Variants in ECHS1 observed in about 807,000 individuals in gnomAD.
ECHS1 encodes the protein enoyl-CoA hydratase, mitochondrial.
In ECHS1, 19 loss-of-function variants were observed where a neutral mutation model predicts 33.5. That is an observed-to-expected ratio of 0.57 (90% confidence interval 0.40 to 0.83). ECHS1 has a LOEUF of 0.83. ECHS1 is among the 40% of genes least tolerant of loss of function. The probability of loss-of-function intolerance (pLI) is 0.00; values close to 1 mark genes in which losing one functional copy is unlikely to be tolerated. For missense variants in ECHS1, 365 were observed against 381.3 expected, an observed-to-expected ratio of 0.96 and a Z score of 0.36; for synonymous variants, 158 against 146.6, an observed-to-expected ratio of 1.08 and a Z score of -0.56.
Position 133,367,355 on chromosome 10 carries a change from C to A in ECHS1, c.515-362G>T, listed in dbSNP as rs866812376. Among the ~76,000 whole-genome samples, 560 of 144,386 alleles carry A rather than the reference C, an allele frequency of 3.9e-3. 32 individuals are homozygous for A. The highest frequency in any genetic ancestry group is 0.015 in the African/African-American group (526 of 34,160). The allele number at this position is 144,386 out of a possible 152,430, so 94.7% of individuals were successfully genotyped here. The stretch of plus-strand genomic sequence containing the variant: ...AATCATTAGTATAAACATTATTAAT[C>A]ATTAGCTCTTAATATTACTCTTTGT... On this transcript the variant is annotated intron_variant, in intron 4 of 7. Coordinates refer to ENST00000368547, the MANE Select transcript of ECHS1 (RefSeq NM_004092.4).
At chr10:133,370,455 T>C (rs985678441) in intron 2 of ECHS1, 105 bp downstream of exon 2, 4 of 1,221,994 alleles carry the variant, frequency 3.3e-6, no homozygotes, top group Middle Eastern at 2.8e-4. Context: ...CCCAGTCGCA[T>C]GCCTCTGCCA....
Position 133,370,720 on chromosome 10 carries a change from C to T in ECHS1, c.126G>A (p.Gly42=), listed in dbSNP as rs1404499867. Residue 42 remains glycine, a synonymous_variant, in exon 2 of 8, where the codon GGG becomes GGA. Transcript: ENST00000368547. ...GGATCAACCCCACGGTGTTATTCTT[C>T]CCTCTTTTTTCTGCGATGATGTACT... ...NFEYIIAEKR[G]KNNTVGLIQL... 1.9e-6 allele frequency: 3 copies of T among 1,612,396 alleles called. No individual in the cohort carries two copies. The highest frequency in any genetic ancestry group is 2.5e-6 in the Non-Finnish European group (3 of 1,179,468).
intron 5 of ECHS1, 59 bp from the exon 6 acceptor site, chr10:133,366,154 CGAGT>C: frequency 1.3e-6 from 2 of 1,579,454 alleles, no homozygotes; most frequent in East Asian, 2.3e-5. Flanking sequence ...TATCCCTTCT[CGAGT>C]GAGTGGCCGC....
In ECHS1 at chr10:133,368,930, G is replaced by A. The variant is rs2133441928; in HGVS notation, c.507C>T (p.Thr169=). The change falls in exon 4 of 8, where the codon ACC becomes ACT. Residue 169 remains threonine, a synonymous_variant. Coordinates refer to ENST00000368547, the MANE Select transcript of ECHS1 (RefSeq NM_004092.4). ...QFAQPEILIG[T]IPGAGGTQRL... ...GACAGTGTCACTCTTTACCTGGGAT[G>A]GTTCCTATTAAGATCTCCGGCTGTG... 7 of 1,613,366 alleles carry A rather than the reference G, an allele frequency of 4.3e-6. No homozygotes were observed. Among genetic ancestry groups the A allele is most frequent in the Non-Finnish European group, 5.9e-6 (7 of 1,179,704 alleles).
Position 133,370,726 on chromosome 10 carries a change from T to C in ECHS1, c.120A>G (p.Lys40=). 6.2e-7 allele frequency: 1 copy of C among 1,612,466 alleles called. No homozygotes were observed. Among genetic ancestry groups the C allele is most frequent in the Non-Finnish European group, 8.5e-7 (1 of 1,179,468 alleles). The part of the protein sequence containing the change: ...GANFEYIIAE[K]RGKNNTVGLI... The stretch of plus-strand genomic sequence containing the variant: ...ACCCCACGGTGTTATTCTTCCCTCT[T>C]TTTTCTGCGATGATGTACTCAAAGT... Residue 40 remains lysine, a synonymous_variant, in exon 2 of 8, where the codon AAA becomes AAG. Transcript: ENST00000368547.
At chr10:133,371,017 C>G (rs1455704668) in intron 1 of ECHS1, among the ~76,000 whole-genome samples, 1 of 152,246 alleles carries the variant, frequency 6.6e-6, no homozygotes, top group African/African-American at 2.4e-5. Flanking sequence ...GTGGCTCACG[C>G]CTGTAATCCC....
chr10:133,363,464 T>C (rs886783853), intron 7 of ECHS1, among the ~76,000 whole-genome samples: 1 of 152,224 alleles, frequency 6.6e-6, no homozygotes, highest in African/African-American at 2.4e-5. Context: ...GAAGTATGAC[T>C]TTCTCCCAGT....
rs770872368 is a variant in ECHS1 at position 133,366,898 on chromosome 10, T to C, written c.610A>G (p.Lys204Glu). The C allele has an allele frequency of 6.2e-7, 1 of 1,611,430 alleles. No individual in the cohort carries two copies. Among genetic ancestry groups the C allele is most frequent in the Middle Eastern group, 1.7e-4 (1 of 6,024 alleles). Residue 204 changes from lysine to glutamate, a missense_variant, in exon 5 of 8, where the codon AAG (lysine) becomes GAG (glutamate). Coordinates refer to ENST00000368547, the MANE Select transcript of ECHS1 (RefSeq NM_004092.4). ...TGDRISAQDA[K>E]QAGLVSKICP... ...CAGCCCCAACCCATACCTGCTTGCT[T>C]GGCGTCCTGGGCTGAGATCCGGTCA...
chr10:133,363,871 T>C (rs1022312988), intron 7 of ECHS1, among the ~76,000 whole-genome samples: 1 of 152,234 alleles, frequency 6.6e-6, no homozygotes, highest in African/African-American at 2.4e-5. Context: ...GCTCTAAAGC[T>C]TCAGCTTATC....
intron 4 of ECHS1, among the ~76,000 whole-genome samples, chr10:133,368,101 C>T (rs1310961193): frequency 3.3e-5 from 5 of 152,138 alleles, no homozygotes; most frequent in African/African-American, 7.2e-5. Flanking sequence ...TACAATCTCT[C>T]GTCTCCGCAC....
chr10:133,367,294 T>C (rs560359035), intron 4 of ECHS1, among the ~76,000 whole-genome samples: 2 of 152,086 alleles, frequency 1.3e-5, no homozygotes, highest in Admixed American at 6.5e-5. Context: ...ATAGTTATAA[T>C]ACAAATTAGA....
At position 133,373,311 on chromosome 10, in the gene ECHS1, A is replaced by G. The variant is rs775833766; in HGVS notation, c.23T>C (p.Leu8Pro). 4 of 1,503,492 alleles carry G rather than the reference A, an allele frequency of 2.7e-6. No individual in the cohort carries two copies. In the East Asian group the frequency reaches 1.1e-4, roughly 42 times the overall value. The allele number at this position is 1,503,492 out of a possible 1,614,324, so 93.1% of individuals were successfully genotyped here. The change falls in exon 1 of 8, where the codon CTG (leucine) becomes CCG (proline). Residue 8 changes from leucine to proline, a missense_variant. Physicochemically the swap from Leu to Pro is moderately conservative, Grantham distance 98. Transcript: ENST00000368547. The part of the protein sequence containing the change: MAALRVL[L>P]SCVRGPLRPP... ...CCTCAGCGGGCCGCGGACGCAGGAC[A>G]GCAGGACACGCAGGGCGGCCATGGC...
chr10:133,362,819 C>T lies in ECHS1; in HGVS notation c.*49G>A, dbSNP rs1848981990. 1 of 1,585,124 alleles carries T rather than the reference C, an allele frequency of 6.3e-7. No individual in the cohort carries two copies. On this transcript the variant is annotated 3_prime_UTR_variant, in exon 8 of 8. Transcript: ENST00000368547. ...TTTACTTGCTTCTAAAACTGACAGGCTGCACTTGTCCTCTCCAAGCAGAGG... is the reference window on the plus strand; with the variant it reads ...TTTACTTGCTTCTAAAACTGACAGGTTGCACTTGTCCTCTCCAAGCAGAGG...
chr10:133,372,782 TG>T (rs1480381463), intron 1 of ECHS1, among the ~76,000 whole-genome samples: 1 of 22,396 alleles, frequency 4.5e-5, no homozygotes, highest in South Asian at 1.6e-3. Context: ...GCGGGTCAGG[TG>T]GGGGGTGCAG....
chr10:133,366,589 T>C (rs999650105), intron 5 of ECHS1, among the ~76,000 whole-genome samples: 1 of 150,382 alleles, frequency 6.6e-6, no homozygotes, highest in East Asian at 2.0e-4. Flanking sequence ...ACTTGGATGC[T>C]GCCCGGGGTT....
intron 4 of ECHS1, 70 bp from the exon 5 acceptor site, chr10:133,367,063 C>G (rs1849044547): frequency 1.6e-6 from 2 of 1,289,448 alleles, no homozygotes; most frequent in South Asian, 1.2e-5. Context: ...AGCTGTGCAG[C>G]CAGCAAATTC....
Position 133,366,905 on chromosome 10 carries a change from C to T in ECHS1, c.603G>A (p.Gln201=), listed in dbSNP as rs1849042273. ...AACCCATACCTGCTTGCTTGGCGTC[C>T]TGGGCTGAGATCCGGTCACCAGTGA... ...MVLTGDRISA[Q]DAKQAGLVSK... is the part of the protein sequence containing the mutation. Residue 201 remains glutamine, a synonymous_variant, in exon 5 of 8, where the codon CAG becomes CAA. Coordinates refer to ENST00000368547, the MANE Select transcript of ECHS1 (RefSeq NM_004092.4). The T allele has an allele frequency of 1.2e-6, 2 of 1,611,826 alleles. No homozygotes were observed. The highest frequency in any genetic ancestry group is 3.3e-5 in the Admixed American group (2 of 60,004).
rs148408333 is a variant in ECHS1 at position 133,372,077 on chromosome 10, C to T, written c.88+1169G>A. Reference sequence around the variant, plus strand: ...AAAGTGCTGGGATTATAGGCATTAGCCACTGTGCCCCGCCGTATCCTGTGG... The same window carrying T: ...AAAGTGCTGGGATTATAGGCATTAGTCACTGTGCCCCGCCGTATCCTGTGG... On this transcript the variant is annotated intron_variant, in intron 1 of 7. Transcript: ENST00000368547. Among the ~76,000 whole-genome samples the T allele has an allele frequency of 5.7e-3, 864 of 152,330 alleles. 10 individuals are homozygous for T. The highest frequency in any genetic ancestry group is 0.02 in the African/African-American group (816 of 41,564).
intron 4 of ECHS1, among the ~76,000 whole-genome samples, chr10:133,367,910 G>A (rs1263087683): frequency 6.6e-6 from 1 of 152,108 alleles, no homozygotes; most frequent in African/African-American, 2.4e-5. Flanking sequence ...CACGTGACTT[G>A]CTTCACCTTG....
Sources: gnomAD v4.1 joint callset for allele counts (sites outside exome capture counted in the v4.1 genomes callset) on GRCh38, gnomAD v4.1.1 for gene constraint, MANE v1.5 for transcripts, NCBI Gene and HGNC (gene_info 2026-07-23, HGNC 2026-07-21) for gene names.